ATP6V0A1: variants seen among roughly 807,000 people sequenced by gnomAD.
ATP6V0A1 encodes the protein V-type proton ATPase 116 kDa subunit a 1.
Under a neutral mutation model 105.4 loss-of-function variants are expected in ATP6V0A1, and 43 were observed. The ratio of observed to expected loss-of-function variants is 0.41; its 90% CI spans 0.32 to 0.53. The LOEUF is 0.53. Among genes scored for constraint, ATP6V0A1 ranks in the 20% least tolerant of loss-of-function variants. The pLI, the probability that ATP6V0A1 is intolerant of heterozygous loss-of-function variation, is 0.30. For synonymous variants in ATP6V0A1, 362 were observed against 372.8 expected (o/e 0.97, Z 0.33); for missense variants, 676 against 1,051.1 (o/e 0.64, Z 4.93).
intron 2 of ATP6V0A1, among the ~76,000 whole-genome samples, chr17:42,463,778 A>G (rs1345256024): frequency 6.6e-6 from 1 of 152,208 alleles, no homozygotes; most frequent in Non-Finnish European, 1.5e-5. Flanking sequence ...TTAACTATTG[A>G]TAGCCTGCTT....
chr17:42,464,355 G>A lies in ATP6V0A1; in HGVS notation c.118-2074G>A, dbSNP rs75733861. ...TCTAATATTAATATATTGAGTTCTC[G>A]AAGAGAGAAGTGTTGAATACATGGA... On this transcript the variant is annotated intron_variant, in intron 2 of 21. Coordinates refer to ENST00000343619, the MANE Select transcript of ATP6V0A1 (RefSeq NM_001130021.3). 7.3e-5 allele frequency among the ~76,000 whole-genome samples: 11 copies of A among 151,142 alleles called. No individual in the cohort carries two copies. In the East Asian group the frequency reaches 7.7e-4, roughly 11 times the overall value.
At chr17:42,514,495 G>T in intron 21 of ATP6V0A1, 35 bp downstream of exon 21, 1 of 1,546,110 alleles carries the variant, frequency 6.5e-7, no homozygotes, top group Non-Finnish European at 8.7e-7. Flanking sequence ...GCATGGGGGT[G>T]GATGTGTCCT....
At chr17:42,480,610 G>A in intron 7 of ATP6V0A1, 57 bp from the exon 8 acceptor site, 1 of 1,546,898 alleles carries the variant, frequency 6.5e-7, no homozygotes, top group South Asian at 1.2e-5. Flanking sequence ...GGTTATTTAA[G>A]AGATTTTCAT....
chr17:42,483,234 C>G (rs1489212946), intron 9 of ATP6V0A1, 103 bp downstream of exon 9: 2 of 839,348 alleles, frequency 2.4e-6, no homozygotes, highest in African/African-American at 3.5e-5. Flanking sequence ...CTGTAGCAAA[C>G]CAGGATACCA....
At chr17:42,500,953 G>A in intron 16 of ATP6V0A1, 30 bp downstream of exon 16, 2 of 1,585,766 alleles carry the variant, frequency 1.3e-6, no homozygotes, top group Non-Finnish European at 1.7e-6. Context: ...GACTGTCTGA[G>A]ATGATTATAC....
chr17:42,494,439 A>G lies in ATP6V0A1; in HGVS notation c.1280A>G (p.Glu427Gly). The change falls in exon 12 of 22, where the codon GAG (glutamate) becomes GGG (glycine). Residue 427 changes from glutamate to glycine, a missense_variant. This residue lies in a region of ATP6V0A1 where 435 missense variants were observed against 642.2 expected (regional missense o/e 0.68). Coordinates refer to ENST00000343619, the MANE Select transcript of ATP6V0A1 (RefSeq NM_001130021.3). ...TLFAVWMVLR[E>G]SRILSQKNEN... ...TTTGCTGTGTGGATGGTACTGAGGG[A>G]GAGCCGGATCCTTTCCCAGAAGAAT... is the stretch of plus-strand genomic sequence containing the variant. The G allele has an allele frequency of 6.2e-7, 1 of 1,613,462 alleles. No individual in the cohort carries two copies. The highest frequency in any genetic ancestry group is 8.5e-7 in the Non-Finnish European group (1 of 1,179,704).
At chr17:42,486,784 C>T (rs2090153531) in intron 9 of ATP6V0A1, among the ~76,000 whole-genome samples, 1 of 152,186 alleles carries the variant, frequency 6.6e-6, no homozygotes, top group Non-Finnish European at 1.5e-5. Flanking sequence ...GTTAATTTGT[C>T]AGCTCCTGGG....
chr17:42,484,876 G>C (rs1485757213), intron 9 of ATP6V0A1, among the ~76,000 whole-genome samples: 1 of 138,310 alleles, frequency 7.2e-6, no homozygotes, highest in East Asian at 2.1e-4. Context: ...TTGAGACAGA[G>C]TCTTGCTCTG....
chr17:42,482,935 G>A (rs1380445346), intron 8 of ATP6V0A1, 103 bp from the exon 9 acceptor site: 2 of 577,220 alleles, frequency 3.5e-6, no homozygotes, highest in Non-Finnish European at 5.2e-6. Flanking sequence ...TTAATACATC[G>A]GTCTGACCTA....
chr17:42,494,255 T>A, intron 11 of ATP6V0A1, 79 bp from the exon 12 acceptor site: 2 of 1,368,540 alleles, frequency 1.5e-6, no homozygotes, highest in Non-Finnish European at 9.9e-7. Flanking sequence ...GGGGGGTGGG[T>A]ATGGAAAAGA....
chr17:42,520,356 A>T, intron 21 of ATP6V0A1: 1 of 444,760 alleles, frequency 2.2e-6, no homozygotes. Flanking sequence ...ACCCTCCCTG[A>T]GAGTGAAAGG....
intron 1 of ATP6V0A1, chr17:42,460,066 T>A (rs2086228899): frequency 6.6e-6 from 1 of 152,218 alleles, no homozygotes; most frequent in South Asian, 2.1e-4. Context: ...ACGAAACCTT[T>A]ATTGGCTCAT....
intron 19 of ATP6V0A1, among the ~76,000 whole-genome samples, chr17:42,512,370 C>T (rs866531049): frequency 2.6e-5 from 4 of 152,194 alleles, no homozygotes; most frequent in African/African-American, 9.7e-5. Context: ...GTGGTCACTG[C>T]CCTCCCAGCC....
At chr17:42,473,268 G>T (rs2088243071) in intron 5 of ATP6V0A1, among the ~76,000 whole-genome samples, 1 of 152,164 alleles carries the variant, frequency 6.6e-6, no homozygotes, top group Non-Finnish European at 1.5e-5. Flanking sequence ...TTTGCAATAG[G>T]CATCGCCACT....
intron 8 of ATP6V0A1, 77 bp downstream of exon 8, chr17:42,480,826 A>G: frequency 7.5e-7 from 1 of 1,341,968 alleles, no homozygotes; most frequent in Non-Finnish European, 1.0e-6. Flanking sequence ...ACAATAGTGA[A>G]ATACAAATCC....
chr17:42,494,542 A>T (rs1439466305), intron 12 of ATP6V0A1, 69 bp downstream of exon 12: 1 of 1,512,378 alleles, frequency 6.6e-7, no homozygotes, highest in Non-Finnish European at 9.0e-7. Context: ...TATGAAAATT[A>T]TGATCTGGAA....
At chr17:42,518,797 T>C (rs1191042800) in intron 21 of ATP6V0A1, 2 of 152,288 alleles carry the variant, frequency 1.3e-5, no homozygotes, top group South Asian at 2.1e-4. Context: ...GGCAAGACTT[T>C]GGAGGCTCCC....
At chr17:42,507,412 A>T in intron 17 of ATP6V0A1, 108 bp from the exon 18 acceptor site, 1 of 769,974 alleles carries the variant, frequency 1.3e-6, no homozygotes, top group Admixed American at 2.4e-5. Context: ...TTTTGTTGTT[A>T]GACATATGCT....
chr17:42,507,000 C>T (rs2092069797), intron 17 of ATP6V0A1, among the ~76,000 whole-genome samples: 1 of 152,070 alleles, frequency 6.6e-6, no homozygotes, highest in Non-Finnish European at 1.5e-5. Context: ...GCTTTTTGTT[C>T]CTGGGCAGAG....
Sources: gnomAD v4.1 joint callset for allele counts (sites outside exome capture counted in the v4.1 genomes callset) on GRCh38, gnomAD v4.1.1 for gene constraint, gnomAD v4.1.1 regional missense constraint, MANE v1.5 for transcripts, NCBI Gene and HGNC (gene_info 2026-07-23, HGNC 2026-07-21) for gene names.